The following CAMTA1 variants were observed in gnomAD, a reference collection of about 807,000 sequenced individuals.
CAMTA1 encodes calmodulin binding transcription activator 1, also known as calmodulin-binding transcription activator 1.
Under a neutral mutation model 170.9 loss-of-function variants are expected in CAMTA1, and 27 were observed. That is an observed-to-expected ratio of 0.16 (90% CI 0.12 to 0.22). CAMTA1 has a LOEUF of 0.22. CAMTA1 is among the 10% of genes least tolerant of loss of function. The probability of loss-of-function intolerance (pLI) is 1.00; values close to 1 mark genes in which losing one functional copy is unlikely to be tolerated. For synonymous variants in CAMTA1, 833 were observed against 891.5 expected (o/e 0.93, Z 1.17); for missense variants, 1,619 against 2,217.2 (o/e 0.73, Z 5.42).
intron 11 of CAMTA1, among the ~76,000 whole-genome samples, chr1:7,720,421 G>A (rs781202309): frequency 4.6e-5 from 7 of 152,052 alleles, no homozygotes; most frequent in Admixed American, 1.3e-4. Context: ...TCACTTTGTC[G>A]CCCAGGCTGG....
chr1:7,137,901 G>C (rs1044658510), intron 4 of CAMTA1, among the ~76,000 whole-genome samples: 2 of 152,186 alleles, frequency 1.3e-5, no homozygotes, highest in Non-Finnish European at 2.9e-5. Context: ...TATCGGGCAG[G>C]TATGTGGATG....
intron 3 of CAMTA1, among the ~76,000 whole-genome samples, chr1:6,829,591 A>C (rs572108804): frequency 1.3e-5 from 2 of 152,366 alleles, no homozygotes; most frequent in South Asian, 4.1e-4. Context: ...TGAGTCCTTT[A>C]CATGAATCAT....
chr1:6,980,422 C>T (rs560275041), intron 3 of CAMTA1, among the ~76,000 whole-genome samples: 3 of 152,144 alleles, frequency 2.0e-5, no homozygotes, highest in African/African-American at 4.8e-5. Flanking sequence ...GTCACGAGCC[C>T]GTGGAGTGAC....
chr1:7,466,636 G>C (rs1258437438), intron 5 of CAMTA1, among the ~76,000 whole-genome samples: 3 of 152,148 alleles, frequency 2.0e-5, no homozygotes, highest in African/African-American at 7.2e-5. Context: ...AAGGAGAGGT[G>C]GGGGAGGCCT....
chr1:7,134,553 C>T (rs1460724170), intron 4 of CAMTA1, among the ~76,000 whole-genome samples: 1 of 152,094 alleles, frequency 6.6e-6, no homozygotes, highest in Non-Finnish European at 1.5e-5. Flanking sequence ...AGTGATCCTT[C>T]CACCTTGGCC....
chr1:7,677,139 G>A (rs2096129517), intron 10 of CAMTA1, among the ~76,000 whole-genome samples: 1 of 152,182 alleles, frequency 6.6e-6, no homozygotes, highest in Admixed American at 6.5e-5. Context: ...ATGGCTGGCT[G>A]TTCATCGAGT....
chr1:7,473,995 C>T (rs1159528366), intron 6 of CAMTA1, among the ~76,000 whole-genome samples: 1 of 152,232 alleles, frequency 6.6e-6, no homozygotes, highest in Non-Finnish European at 1.5e-5. Flanking sequence ...CCAGCCCCTG[C>T]CTGCTGCAAC....
chr1:7,115,839 T>C (rs750714083), intron 4 of CAMTA1, among the ~76,000 whole-genome samples: 1 of 152,288 alleles, frequency 6.6e-6, no homozygotes, highest in East Asian at 1.9e-4. Flanking sequence ...ATCTTCTCAC[T>C]CATGGGAGGG....
intron 1 of CAMTA1, among the ~76,000 whole-genome samples, chr1:6,808,091 A>G (rs922064786): frequency 6.6e-6 from 1 of 151,890 alleles, no homozygotes; most frequent in African/African-American, 2.4e-5. Context: ...CCAAGAGAGT[A>G]CAGGGAGTGG....
intron 4 of CAMTA1, among the ~76,000 whole-genome samples, chr1:7,246,692 T>TTTTTTTTTGA (rs1665856558): frequency 2.0e-5 from 3 of 147,334 alleles, no homozygotes; most frequent in African/African-American, 7.5e-5. Context: ...TTTTTTTTTT[T>TTTTTTTTTGA]GACATGCTTT....
chr1:6,839,015 C>T (rs1487931312), intron 3 of CAMTA1, among the ~76,000 whole-genome samples: 1 of 152,098 alleles, frequency 6.6e-6, no homozygotes, highest in Non-Finnish European at 1.5e-5. Context: ...CCTCAGCCTC[C>T]CAAAGTGCTG....
At chr1:6,833,077 G>A (rs751199259) in intron 3 of CAMTA1, among the ~76,000 whole-genome samples, 6 of 152,194 alleles carry the variant, frequency 3.9e-5, no homozygotes, top group African/African-American at 9.7e-5. Context: ...GGGGCGGAAT[G>A]TCCTCCCACA....
intron 3 of CAMTA1, among the ~76,000 whole-genome samples, chr1:6,944,456 C>T (rs1210209450): frequency 6.6e-6 from 1 of 152,178 alleles, no homozygotes; most frequent in Non-Finnish European, 1.5e-5. Flanking sequence ...CCCACCCCAT[C>T]ACGTCCTGCA....
At chr1:7,563,993 T>G (rs942940155) in intron 6 of CAMTA1, among the ~76,000 whole-genome samples, 5 of 152,194 alleles carry the variant, frequency 3.3e-5, no homozygotes, top group Non-Finnish European at 7.3e-5. Flanking sequence ...GACCCAGGCC[T>G]TGGGTGTCAT....
intron 6 of CAMTA1, among the ~76,000 whole-genome samples, chr1:7,504,154 C>T (rs112709983): frequency 0.027 from 4,091 of 152,206 alleles, 145 homozygotes; most frequent in East Asian, 0.15. Context: ...CTGCGGGGAA[C>T]GGGTGGGGAC....
intron 20 of CAMTA1, among the ~76,000 whole-genome samples, chr1:7,751,787 CT>C (rs2096899580): frequency 6.6e-6 from 1 of 151,228 alleles, no homozygotes; most frequent in Non-Finnish European, 1.5e-5. Flanking sequence ...CTCTTTGAGG[CT>C]GAAGGAAATC....
chr1:7,664,900 G>C lies in CAMTA1; in HGVS notation c.2353G>C (p.Gly785Arg), dbSNP rs1165188220. The C allele has an allele frequency of 1.2e-6, 2 of 1,613,222 alleles. No individual in the cohort carries two copies. Among genetic ancestry groups the C allele is most frequent in the Non-Finnish European group, 1.7e-6 (2 of 1,179,992 alleles). Residue 785 changes from glycine to arginine, a missense_variant, in exon 9 of 23, where the codon GGG becomes CGG. Around this residue, in one of 8 missense-constraint regions of CAMTA1, gnomAD observed 731 missense variants for 907.6 expected, o/e 0.81. Transcript: ENST00000303635. ...DLINDFISVE[G>R]GSSTIYGHQL... Reference sequence around the variant, plus strand: ...GATCAACGACTTCATCTCCGTGGAGGGGGGCAGCAGCACCATCTATGGGCA... The same window carrying C: ...GATCAACGACTTCATCTCCGTGGAGCGGGGCAGCAGCACCATCTATGGGCA...
chr1:7,016,861 A>G (rs60829219), intron 3 of CAMTA1, among the ~76,000 whole-genome samples: 1 of 151,982 alleles, frequency 6.6e-6, no homozygotes, highest in Non-Finnish European at 1.5e-5. Context: ...AGGAAAAGAA[A>G]AAAAAGATTC....
chr1:7,228,402 G>A (rs1482147887), intron 4 of CAMTA1, among the ~76,000 whole-genome samples: 3 of 152,198 alleles, frequency 2.0e-5, no homozygotes, highest in African/African-American at 7.2e-5. Flanking sequence ...AGTCAAGTGG[G>A]GCTCGTGCAT....
Sources: gnomAD v4.1 joint callset for allele counts (sites outside exome capture counted in the v4.1 genomes callset) on GRCh38, gnomAD v4.1.1 for gene constraint, gnomAD v4.1.1 regional missense constraint, MANE v1.5 for transcripts, NCBI Gene and HGNC (gene_info 2026-07-23, HGNC 2026-07-21) for gene names.